The following KAZN variants were observed in gnomAD, a reference collection of about 807,000 sequenced individuals.
The protein encoded by KAZN is kazrin.
A neutral mutation model predicts 87.4 loss-of-function variants in KAZN; 40 were observed. That is an observed-to-expected ratio of 0.46 (90% confidence interval 0.36 to 0.60). The LOEUF (loss-of-function observed/expected upper bound fraction) is 0.60. KAZN is among the 20% of genes least tolerant of loss of function. KAZN has a pLI of 0.00. For missense variants in KAZN, 898 were observed against 1,073.9 expected, an observed-to-expected ratio of 0.84 and a Z score of 2.29; for synonymous variants, 466 against 458.3, an observed-to-expected ratio of 1.02 and a Z score of -0.22.
At position 14,735,295 on chromosome 1, in the gene KAZN, C is replaced by T. The variant is rs889189769; in HGVS notation, c.226+136072C>T. Among the ~76,000 whole-genome samples the T allele has an allele frequency of 1.3e-5, 2 of 152,082 alleles. No homozygotes were observed. The highest frequency in any genetic ancestry group is 2.1e-4 in the South Asian group (1 of 4,814). On this transcript the variant is annotated intron_variant, in intron 1 of 14. Transcript: ENST00000376030. This position sits in a 1 kb window ranked among gnomAD's most constrained non-coding sequence, Gnocchi z 4.3. ...CAGGATGGTCTCGATCTCCTGACCT[C>T]GTGATCCGCCCGCCTCGGCCTCCCA...
intron 2 of KAZN, among the ~76,000 whole-genome samples, chr1:14,992,572 G>A (rs1667456865): frequency 6.6e-6 from 1 of 152,186 alleles, no homozygotes; most frequent in Non-Finnish European, 1.5e-5. Flanking sequence ...AAAAACAATT[G>A]GTCTTAGGAA....
chr1:14,234,335 A>G (rs1032396386), intron 2 of KAZN, among the ~76,000 whole-genome samples: 4 of 143,866 alleles, frequency 2.8e-5, no homozygotes, highest in African/African-American at 1.1e-4. Context: ...GTTCTCACTC[A>G]TAAGTGGGAG....
chr1:13,906,599 G>A (rs1487010990), intron 1 of KAZN, among the ~76,000 whole-genome samples: 3 of 152,128 alleles, frequency 2.0e-5, no homozygotes, highest in South Asian at 2.1e-4. Flanking sequence ...ATGTGTGATC[G>A]ACCTTGGTTT....
In KAZN at chr1:15,094,943, C is replaced by T; in HGVS notation, c.1547+10C>T. ...CCGAGGCAGGCCGCAGGTGAGCCCA[C>T]CACGAGGGGCCCCGGGGGAGGAGAG... On this transcript the variant is annotated intron_variant, in intron 10 of 14. Transcript: ENST00000376030. This position sits in a 1 kb window ranked among gnomAD's most constrained non-coding sequence, Gnocchi z 4.5. 2 of 1,537,608 alleles carry T rather than the reference C, an allele frequency of 1.3e-6. No individual in the cohort carries two copies. The highest frequency in any genetic ancestry group is 1.2e-5 in the South Asian group (1 of 83,722).
At chr1:14,984,078 C>A (rs760382499) in intron 2 of KAZN, among the ~76,000 whole-genome samples, 11 of 152,016 alleles carry the variant, frequency 7.2e-5, no homozygotes, top group Non-Finnish European at 1.5e-4. Flanking sequence ...CAGAGTAGAG[C>A]AAATGTGGCT....
intron 1 of KAZN, among the ~76,000 whole-genome samples, chr1:13,894,653 A>G (rs1638966432): frequency 6.6e-6 from 1 of 152,180 alleles, no homozygotes; most frequent in Non-Finnish European, 1.5e-5. Context: ...CGAGCACTGT[A>G]TTAGGAGTCT....
chr1:14,230,104 T>C (rs1279524754), intron 2 of KAZN, among the ~76,000 whole-genome samples: 1 of 152,262 alleles, frequency 6.6e-6, no homozygotes, highest in Non-Finnish European at 1.5e-5. Flanking sequence ...GAGCTGACTT[T>C]TTAATTTTAA....
intron 1 of KAZN, among the ~76,000 whole-genome samples, chr1:14,917,103 A>ATT (rs1657895577): frequency 6.6e-6 from 1 of 152,092 alleles, no homozygotes; most frequent in East Asian, 1.9e-4. Context: ...CTGCCAGGTC[A>ATT]TTTGGGGACC....
intron 2 of KAZN, among the ~76,000 whole-genome samples, chr1:14,417,889 G>A (rs1237875899): frequency 5.3e-5 from 8 of 150,864 alleles, no homozygotes; most frequent in Admixed American, 1.3e-4. Context: ...CCAGCTACTC[G>A]GTAGGCCGAG....
intron 2 of KAZN, among the ~76,000 whole-genome samples, chr1:14,400,020 C>T (rs924727231): frequency 6.6e-6 from 1 of 151,980 alleles, no homozygotes; most frequent in African/African-American, 2.4e-5. Flanking sequence ...GTCATTTCAT[C>T]CAGTCAGGGG....
chr1:14,489,051 C>A (rs915135198), intron 2 of KAZN, among the ~76,000 whole-genome samples: 1 of 152,142 alleles, frequency 6.6e-6, no homozygotes, highest in African/African-American at 2.4e-5. Flanking sequence ...AAACAGAGAT[C>A]ACTAGAGTTA....
intron 1 of KAZN, among the ~76,000 whole-genome samples, chr1:13,983,049 G>T (rs1375264957): frequency 6.6e-6 from 1 of 152,134 alleles, no homozygotes; most frequent in African/African-American, 2.4e-5. Flanking sequence ...CCCTGAGCTA[G>T]ACATAAAGGT....
At chr1:13,993,233 G>T (rs1639365834) in intron 1 of KAZN, among the ~76,000 whole-genome samples, 1 of 152,154 alleles carries the variant, frequency 6.6e-6, no homozygotes, top group East Asian at 1.9e-4. Flanking sequence ...CACTGCAGGG[G>T]GTTGGAGGGA....
intron 1 of KAZN, among the ~76,000 whole-genome samples, chr1:14,812,046 A>G (rs1223716311): frequency 6.6e-6 from 1 of 152,220 alleles, no homozygotes. Context: ...GTTTGGAGCC[A>G]GAGCAGAACT....
At chr1:13,910,539 C>A (rs530363284) in intron 1 of KAZN, among the ~76,000 whole-genome samples, 16 of 151,872 alleles carry the variant, frequency 1.1e-4, no homozygotes, top group East Asian at 7.9e-4. Context: ...ACCTCCCCCA[C>A]CTTGCTCCTG....
chr1:14,042,876 ATC>A (rs1367760706), intron 1 of KAZN, among the ~76,000 whole-genome samples: 1 of 152,144 alleles, frequency 6.6e-6, no homozygotes, highest in Non-Finnish European at 1.5e-5. Context: ...GGCCTTAATT[ATC>A]TCTTGTCATA....
chr1:14,272,570 C>T (rs1057161858), intron 2 of KAZN, among the ~76,000 whole-genome samples: 2 of 152,142 alleles, frequency 1.3e-5, no homozygotes, highest in African/African-American at 2.4e-5. Flanking sequence ...TAAAATTCAA[C>T]ATTCTTGGCT....
At chr1:15,036,705 T>C (rs1269302662) in intron 3 of KAZN, among the ~76,000 whole-genome samples, 1 of 151,992 alleles carries the variant, frequency 6.6e-6, no homozygotes, top group Non-Finnish European at 1.5e-5. Context: ...GTGACCTCCA[T>C]GCAGAGGGAG....
upstream of KAZN, among the ~76,000 whole-genome samples, chr1:14,595,908 C>T (rs1263053751): frequency 6.6e-6 from 1 of 151,958 alleles, no homozygotes; most frequent in African/African-American, 2.4e-5. Context: ...TCCTAGGAGG[C>T]ACCCCAGGAG....
Sources: gnomAD v4.1 joint callset for allele counts (sites outside exome capture counted in the v4.1 genomes callset) on GRCh38, gnomAD v4.1.1 for gene constraint, Gnocchi (gnomAD v3.1) non-coding constraint, MANE v1.5 for transcripts, NCBI Gene and HGNC (gene_info 2026-07-23, HGNC 2026-07-21) for gene names.